Variants in AGBL1 observed in about 807,000 individuals in gnomAD.
AGBL1 encodes the protein cytosolic carboxypeptidase 4.
Under a neutral mutation model 118.9 loss-of-function variants are expected in AGBL1, and 130 were observed. The ratio of observed to expected loss-of-function variants is 1.09; its 90% CI spans 0.95 to 1.26. The LOEUF (loss-of-function observed/expected upper bound fraction) is 1.26. Ranked by LOEUF, AGBL1 falls within the 50% of genes most tolerant of loss-of-function variation. The pLI is 0.00. For missense variants in AGBL1, 1,584 were observed against 1,298.1 expected (o/e 1.22, Z -3.38); for synonymous variants, 555 against 478.9 (o/e 1.16, Z -2.08).
intron 17 of AGBL1, 80 bp from the exon 18 acceptor site, chr15:86,397,286 C>G (rs1424711837): frequency 9.4e-7 from 1 of 1,066,164 alleles, no homozygotes; most frequent in African/African-American, 1.6e-5. Flanking sequence ...ATCAAAGAAG[C>G]AAAAAAGAAG....
chr15:86,274,615 C>T (rs2079215987), intron 15 of AGBL1, among the ~76,000 whole-genome samples: 1 of 152,178 alleles, frequency 6.6e-6, no homozygotes. Context: ...AGACCTCTCC[C>T]ATGCAACAAT....
Position 86,676,161 on chromosome 15 carries a change from T to C in AGBL1, c.3158+1725T>C, listed in dbSNP as rs112872009. 1.5e-3 allele frequency among the ~76,000 whole-genome samples: 233 copies of C among 152,324 alleles called. 1 individual carries two copies. The highest frequency in any genetic ancestry group is 5.1e-3 in the African/African-American group (210 of 41,578). ...GGTGCAGCTCCCAGTCTAGGAAAGA[T>C]ACCTGAACACAGGATGTGATTAATA... On this transcript the variant is annotated intron_variant, in intron 22 of 22. Transcript: ENST00000614907.
chr15:86,739,877 G>A (rs1350202593), intron 22 of AGBL1, among the ~76,000 whole-genome samples: 5 of 152,096 alleles, frequency 3.3e-5, no homozygotes, highest in Admixed American at 2.6e-4. Context: ...TCTCCAGAAG[G>A]GTGGCCTAAT....
chr15:86,477,315 C>A (rs1388561041), intron 18 of AGBL1, among the ~76,000 whole-genome samples: 1 of 151,952 alleles, frequency 6.6e-6, no homozygotes, highest in Non-Finnish European at 1.5e-5. Flanking sequence ...GAAAGATCAA[C>A]AAAATTGATA....
chr15:86,329,865 G>A (rs2080243528), intron 17 of AGBL1, among the ~76,000 whole-genome samples: 1 of 151,972 alleles, frequency 6.6e-6, no homozygotes. Context: ...AGATCCAAGT[G>A]GAGAGGAGCC....
chr15:86,465,667 C>G (rs1234497080), intron 18 of AGBL1, among the ~76,000 whole-genome samples: 1 of 152,172 alleles, frequency 6.6e-6, no homozygotes, highest in Non-Finnish European at 1.5e-5. Flanking sequence ...GAAATATGCC[C>G]TGGTCTCCTG....
intron 1 of AGBL1, among the ~76,000 whole-genome samples, chr15:86,113,212 T>TTTTTCTTTTTC (rs1555430664): frequency 2.5e-5 from 3 of 122,132 alleles, no homozygotes; most frequent in Admixed American, 8.7e-5. Context: ...TTTCTTTTTC[T>TTTTTCTTTTTC]TTTTCTTTTC....
chr15:86,376,599 A>G (rs529340723), intron 17 of AGBL1, among the ~76,000 whole-genome samples: 1 of 152,332 alleles, frequency 6.6e-6, no homozygotes, highest in Admixed American at 6.5e-5. Context: ...CAGTCCTTGT[A>G]TGGAGTTTGC....
intron 22 of AGBL1, among the ~76,000 whole-genome samples, chr15:86,786,061 CTT>C (rs1476766196): frequency 1.3e-5 from 2 of 151,986 alleles, no homozygotes; most frequent in African/African-American, 4.8e-5. Flanking sequence ...TTTTCAGAGA[CTT>C]TTTGGTTTTC....
chr15:86,837,980 T>C (rs2079192346), intron 22 of AGBL1, among the ~76,000 whole-genome samples: 1 of 152,232 alleles, frequency 6.6e-6, no homozygotes, highest in South Asian at 2.1e-4. Flanking sequence ...ATCTTCATGA[T>C]GAATCGTTTC....
At chr15:86,498,203 T>A (rs565640684) in intron 18 of AGBL1, among the ~76,000 whole-genome samples, 2 of 152,066 alleles carry the variant, frequency 1.3e-5, no homozygotes, top group Non-Finnish European at 2.9e-5. Context: ...CTCTTTATAA[T>A]TGACCCCCAA....
rs28758715 is a variant in AGBL1, at chr15:86,901,894, T to G, written c.3159-5193T>G. ...TTTTTTAGTTGTTACATTAAAGTTT[T>G]AGCTGGTTAATGTTCAAACAGCAAA... On this transcript the variant is annotated intron_variant, in intron 22 of 22. Transcript: ENST00000614907. 5.3e-5 allele frequency among the ~76,000 whole-genome samples: 8 copies of G among 152,130 alleles called. No individual in the cohort carries two copies. The South Asian group carries it at 1.7e-3, about 32-fold the overall frequency.
At chr15:86,925,643 C>T (rs1317108573) in intron 23 of AGBL1, among the ~76,000 whole-genome samples, 1 of 151,784 alleles carries the variant, frequency 6.6e-6, no homozygotes, top group African/African-American at 2.4e-5. Context: ...TAGGTGCTGA[C>T]AGGCTTCCTC....
chr15:86,666,481 A>G lies in AGBL1; in HGVS notation c.2995-7792A>G, dbSNP rs146496547. 8.8e-3 allele frequency among the ~76,000 whole-genome samples: 1,341 copies of G among 152,240 alleles called. 27 individuals carry two copies. Among genetic ancestry groups the G allele is most frequent in the African/African-American group, 0.03 (1,242 of 41,546 alleles). On this transcript the variant is annotated intron_variant, in intron 21 of 22. Coordinates refer to ENST00000614907, the MANE Select transcript of AGBL1 (RefSeq NM_001386094.1). ...TATAATCAGTCTTCAAATGAAGATA[A>G]TGTGATTATTCCTTTCTAATATGTA...
At chr15:86,442,576 C>T (rs2082077631) in intron 18 of AGBL1, among the ~76,000 whole-genome samples, 2 of 152,182 alleles carry the variant, frequency 1.3e-5, no homozygotes, top group South Asian at 2.1e-4. Flanking sequence ...GTTGGTAAGC[C>T]GCTTTCTCTT....
intron 17 of AGBL1, among the ~76,000 whole-genome samples, chr15:86,392,290 C>G (rs2081299363): frequency 6.6e-6 from 1 of 152,038 alleles, no homozygotes; most frequent in African/African-American, 2.4e-5. Flanking sequence ...GGCTGCATAG[C>G]ATTCTGTTTT....
intron 1 of AGBL1, among the ~76,000 whole-genome samples, chr15:86,118,487 G>T (rs1897900814): frequency 6.8e-6 from 1 of 147,002 alleles, no homozygotes; most frequent in Non-Finnish European, 1.5e-5. Flanking sequence ...AAAAAAAAAG[G>T]CAATGAGAAG....
chr15:86,798,250 G>A (rs910173772), intron 22 of AGBL1, among the ~76,000 whole-genome samples: 4 of 152,138 alleles, frequency 2.6e-5, no homozygotes, highest in African/African-American at 9.7e-5. Flanking sequence ...CTTGGTAACA[G>A]TCAGATTACC....
chr15:86,205,723 C>A (rs1597548317), intron 5 of AGBL1, among the ~76,000 whole-genome samples: 3 of 152,282 alleles, frequency 2.0e-5, no homozygotes, highest in East Asian at 3.9e-4. Context: ...AAGCATCTTT[C>A]CCTATGCTTT....
Sources: gnomAD v4.1 joint callset for allele counts (sites outside exome capture counted in the v4.1 genomes callset) on GRCh38, gnomAD v4.1.1 for gene constraint, MANE v1.5 for transcripts, NCBI Gene and HGNC (gene_info 2026-07-23, HGNC 2026-07-21) for gene names.